ESR1: variants seen among roughly 807,000 people sequenced by gnomAD.
ESR1 encodes the protein estrogen receptor.
Under a neutral mutation model 52.7 loss-of-function variants are expected in ESR1, and 12 were observed. The ratio of observed to expected loss-of-function variants is 0.23; its 90% CI spans 0.15 to 0.37. The LOEUF is 0.37. Among genes scored for constraint, ESR1 ranks in the 10% least tolerant of loss-of-function variants. ESR1 has a pLI of 1.00. For missense variants in ESR1, 584 were observed against 779.7 expected (o/e 0.75, Z 2.99); for synonymous variants, 305 against 316.8 (o/e 0.96, Z 0.39).
chr6:152,118,701 A>C (rs907762771), intron 6 of ESR1, among the ~76,000 whole-genome samples: 1 of 152,130 alleles, frequency 6.6e-6, no homozygotes, highest in African/African-American at 2.4e-5. Flanking sequence ...TGATAGGTGC[A>C]GCAAACCACC....
intron 4 of ESR1, among the ~76,000 whole-genome samples, chr6:152,006,084 A>G (rs972792112): frequency 2.0e-5 from 3 of 152,032 alleles, no homozygotes; most frequent in African/African-American, 7.2e-5. Flanking sequence ...AGTGATGGTG[A>G]TGTAGGGTAG....
intron 5 of ESR1, among the ~76,000 whole-genome samples, chr6:152,038,972 A>T (rs2045559384): frequency 6.6e-6 from 1 of 152,232 alleles, no homozygotes; most frequent in Non-Finnish European, 1.5e-5. Context: ...GATACAGGAA[A>T]AAGAAAGGAA....
At chr6:151,954,372 A>G (rs2036667233) in intron 4 of ESR1, among the ~76,000 whole-genome samples, 2 of 152,242 alleles carry the variant, frequency 1.3e-5, no homozygotes, top group Non-Finnish European at 2.9e-5. Context: ...AGGATTTATC[A>G]CTTAGCTGTA....
At chr6:151,928,803 C>CT (rs1231437113) in intron 3 of ESR1, among the ~76,000 whole-genome samples, 4 of 151,872 alleles carry the variant, frequency 2.6e-5, no homozygotes, top group Non-Finnish European at 5.9e-5. Flanking sequence ...TATTTTGAGG[C>CT]TTTTTCTTTG....
At chr6:151,759,959 A>G (rs1784551309) in intron 2 of ESR1, among the ~76,000 whole-genome samples, 1 of 152,236 alleles carries the variant, frequency 6.6e-6, no homozygotes, top group Non-Finnish European at 1.5e-5. Context: ...AATCAGTAAA[A>G]GCTTAATCAA....
intron 3 of ESR1, among the ~76,000 whole-genome samples, chr6:151,882,108 T>C (rs1008744161): frequency 6.6e-6 from 1 of 152,008 alleles, no homozygotes; most frequent in Non-Finnish European, 1.5e-5. Flanking sequence ...TTGCAAATAG[T>C]GGGCAGCTAA....
intron 2 of ESR1, among the ~76,000 whole-genome samples, chr6:151,745,413 T>C (rs1299896453): frequency 6.6e-6 from 1 of 152,178 alleles, no homozygotes; most frequent in African/African-American, 2.4e-5. Context: ...ATTTATCCTA[T>C]TGAAATGACT....
intron 7 of ESR1, among the ~76,000 whole-genome samples, chr6:152,095,654 C>T (rs761204941): frequency 1.3e-5 from 2 of 152,190 alleles, no homozygotes; most frequent in African/African-American, 4.8e-5. Flanking sequence ...GGACATGTTG[C>T]CGGGGTCATG....
intron 2 of ESR1, among the ~76,000 whole-genome samples, chr6:151,863,536 A>AT (rs1170706081): frequency 6.6e-6 from 1 of 152,112 alleles, no homozygotes; most frequent in Non-Finnish European, 1.5e-5. Context: ...GCTTAAGGAG[A>AT]TTTTGGGCTG....
chr6:151,736,517 C>A (rs1562366808), intron 2 of ESR1, among the ~76,000 whole-genome samples: 1 of 151,830 alleles, frequency 6.6e-6, no homozygotes, highest in Non-Finnish European at 1.5e-5. Context: ...GGACTACAGG[C>A]ACAAGCCACC....
chr6:152,018,743 G>T (rs2043367803), intron 5 of ESR1, among the ~76,000 whole-genome samples: 1 of 151,942 alleles, frequency 6.6e-6, no homozygotes, highest in South Asian at 2.1e-4. Context: ...CTGGGCCCTT[G>T]AAGGGTTTGC....
intron 4 of ESR1, among the ~76,000 whole-genome samples, chr6:151,981,120 T>C (rs1034540187): frequency 6.6e-6 from 1 of 152,258 alleles, no homozygotes; most frequent in African/African-American, 2.4e-5. Context: ...TCATATCCTG[T>C]GCAGGATGTT....
chr6:151,780,533 T>C (rs977117108), intron 2 of ESR1, among the ~76,000 whole-genome samples: 1 of 152,148 alleles, frequency 6.6e-6, no homozygotes. Context: ...TCTGATTTCC[T>C]TGGTGTGGGG....
At chr6:151,684,408 G>A (rs1426041109) in intron 1 of ESR1, among the ~76,000 whole-genome samples, 2 of 152,154 alleles carry the variant, frequency 1.3e-5, no homozygotes, top group Non-Finnish European at 2.9e-5. Context: ...GCAGTAACAC[G>A]GTGAGGATGA....
chr6:152,108,745 G>A (rs2051096850), intron 6 of ESR1, among the ~76,000 whole-genome samples: 1 of 152,132 alleles, frequency 6.6e-6, no homozygotes, highest in African/African-American at 2.4e-5. Context: ...TACATACTAG[G>A]TAAAGAGCAC....
At chr6:151,812,964 C>T (rs1213319516) in intron 1 of ESR1, among the ~76,000 whole-genome samples, 11 of 122,774 alleles carry the variant, frequency 9.0e-5, no homozygotes, top group African/African-American at 2.4e-4. Context: ...TGTAATGTCA[C>T]TTACAAAAAA....
At chr6:151,818,198 C>A (rs758991288) in intron 1 of ESR1, among the ~76,000 whole-genome samples, 3 of 152,148 alleles carry the variant, frequency 2.0e-5, no homozygotes, top group African/African-American at 7.2e-5. Flanking sequence ...GGTCCTCAGT[C>A]CTCAAGCCCG....
At chr6:151,739,286 T>C (rs763726132) in intron 2 of ESR1, among the ~76,000 whole-genome samples, 1 of 152,226 alleles carries the variant, frequency 6.6e-6, no homozygotes, top group Non-Finnish European at 1.5e-5. Context: ...GCAAGGTCCC[T>C]GGCAAGTAAG....
chr6:152,056,656 T>A (rs1699754612), intron 5 of ESR1, among the ~76,000 whole-genome samples: 1 of 152,132 alleles, frequency 6.6e-6, no homozygotes, highest in African/African-American at 2.4e-5. Flanking sequence ...CCCCATTACT[T>A]AAGTGCAAAT....
Sources: gnomAD v4.1 joint callset for allele counts (sites outside exome capture counted in the v4.1 genomes callset) on GRCh38, gnomAD v4.1.1 for gene constraint, MANE v1.5 for transcripts, NCBI Gene and HGNC (gene_info 2026-07-23, HGNC 2026-07-21) for gene names.